Variants in C14orf132 observed in about 807,000 individuals in gnomAD.
C14orf132 encodes the protein chromosome 14 open reading frame 132, also known as uncharacterized protein C14orf132.
A neutral mutation model predicts 5.8 loss-of-function variants in C14orf132; 6 were observed. The ratio of observed to expected loss-of-function variants is 1.03; its 90% CI spans 0.57 to 2.04. The LOEUF (loss-of-function observed/expected upper bound fraction) is 2.04, where lower values mean the gene tolerates loss of function less well. Among genes scored for constraint, C14orf132 ranks in the 30% most tolerant of loss-of-function variants. C14orf132 has a pLI of 0.00. For synonymous variants in C14orf132, 51 were observed against 49.8 expected (o/e 1.02, Z -0.10); for missense variants, 125 against 115.8 (o/e 1.08, Z -0.37).
rs533002203 is a variant in C14orf132 at position 96,086,654 on chromosome 14, C to T, written c.171C>T (p.Asp57=). ...AAGATCCTCCTCGGTCCTCCAACGACGCCGTCTTGCTATGGATTGCCATCA... is the reference window on the plus strand; with the variant it reads ...AAGATCCTCCTCGGTCCTCCAACGATGCCGTCTTGCTATGGATTGCCATCA... ...QPEDPPRSSN[D]AVLLWIAIIA... is the part of the protein sequence containing the mutation. Residue 57 remains aspartate (D), a synonymous_variant, in exon 2 of 2, where the codon GAC becomes GAT. Transcript: ENST00000555004. 183 of 1,536,172 alleles carry T rather than the reference C, an allele frequency of 1.2e-4. No homozygotes were observed. The highest frequency in any genetic ancestry group is 1.5e-4 in the Non-Finnish European group (169 of 1,146,922).
At chr14:96,080,627 G>A (rs1198743799) in intron 1 of C14orf132, among the ~76,000 whole-genome samples, 7 of 152,140 alleles carry the variant, frequency 4.6e-5, no homozygotes, top group African/African-American at 9.7e-5. Flanking sequence ...TTTATATAAC[G>A]GTCACCTCCT....
At chr14:96,061,725 G>A (rs895051678) in intron 1 of C14orf132, among the ~76,000 whole-genome samples, 2 of 152,228 alleles carry the variant, frequency 1.3e-5, no homozygotes, top group East Asian at 3.9e-4. Flanking sequence ...AGGAGCTGGA[G>A]ACCAGACAGG....
intron 1 of C14orf132, among the ~76,000 whole-genome samples, chr14:96,074,140 T>C (rs1887790752): frequency 6.6e-6 from 1 of 152,206 alleles, no homozygotes. Context: ...TTAACCTACG[T>C]AACAACAAAC....
chr14:96,042,307 G>A (rs765417111), intron 1 of C14orf132, among the ~76,000 whole-genome samples: 1 of 152,230 alleles, frequency 6.6e-6, no homozygotes, highest in Non-Finnish European at 1.5e-5. Context: ...GCTGATTGCT[G>A]GGGTGAGAAG....
At position 96,039,554 on chromosome 14, in the gene C14orf132, C is replaced by G; in HGVS notation, c.27+27C>G. Reference sequence around the variant, plus strand: ...TAACGGGGCGTCCCCCCCACGCGCCCCGGGCCGCCAAGTTTGGGGAGGTTC... The same window carrying G: ...TAACGGGGCGTCCCCCCCACGCGCCGCGGGCCGCCAAGTTTGGGGAGGTTC... On this transcript the variant is annotated intron_variant, in intron 1 of 1. Coordinates refer to ENST00000555004, the MANE Select transcript of C14orf132 (RefSeq NM_001252507.3). This position sits in a 1 kb window ranked among gnomAD's most constrained non-coding sequence, Gnocchi z 5.3. 1 of 1,496,730 alleles carries G rather than the reference C, an allele frequency of 6.7e-7. No individual in the cohort carries two copies. The highest frequency in any genetic ancestry group is 8.9e-7 in the Non-Finnish European group (1 of 1,125,544). 92.7% of individuals were successfully genotyped at this position (1,496,730 alleles called of 1,614,324 possible).
At chr14:96,077,555 C>T (rs978735536) in intron 1 of C14orf132, among the ~76,000 whole-genome samples, 2 of 152,140 alleles carry the variant, frequency 1.3e-5, no homozygotes, top group Admixed American at 1.3e-4. Context: ...TGCAAGCCAA[C>T]GAGAGAGGCC....
At chr14:96,049,569 T>TACATATATACGTATATATAC (rs1886949999) in intron 1 of C14orf132, among the ~76,000 whole-genome samples, 1 of 127,470 alleles carries the variant, frequency 7.8e-6, no homozygotes, top group Non-Finnish European at 1.8e-5. Flanking sequence ...TACGTATATA[T>TACATATATACGTATATATAC]ACATATATAC....
chr14:96,085,697 C>T (rs1190020428), intron 1 of C14orf132, among the ~76,000 whole-genome samples: 1 of 152,090 alleles, frequency 6.6e-6, no homozygotes, highest in Non-Finnish European at 1.5e-5. Flanking sequence ...AATTGTGTGT[C>T]GGGGAGTCTG....
intron 1 of C14orf132, among the ~76,000 whole-genome samples, chr14:96,057,324 G>A (rs1403399532): frequency 1.3e-5 from 2 of 152,236 alleles, no homozygotes; most frequent in Non-Finnish European, 2.9e-5. Context: ...CACAAAAGCA[G>A]AGAGCAGAGA....
At position 96,066,660 on chromosome 14, in the gene C14orf132, C is replaced by T. The variant is rs547871886; in HGVS notation, c.28-19851C>T. Among the ~76,000 whole-genome samples, 4 of 152,170 alleles carry T rather than the reference C, an allele frequency of 2.6e-5. No individual in the cohort carries two copies. In the South Asian group the frequency reaches 8.3e-4, roughly 32 times the overall value. Reference sequence around the variant, plus strand: ...CACCGGGATTCAAAGAGAAGTTAGACTCAACCCGTATCCTACAAGTGCTCA... The same window carrying T: ...CACCGGGATTCAAAGAGAAGTTAGATTCAACCCGTATCCTACAAGTGCTCA... On this transcript the variant is annotated intron_variant, in intron 1 of 1. Coordinates refer to ENST00000555004, the MANE Select transcript of C14orf132 (RefSeq NM_001252507.3).
intron 1 of C14orf132, among the ~76,000 whole-genome samples, chr14:96,045,388 C>T (rs555945356): frequency 1.3e-5 from 2 of 152,272 alleles, no homozygotes; most frequent in South Asian, 2.1e-4. Flanking sequence ...AGGCTTGAAA[C>T]AGTATCTCCT....
intron 1 of C14orf132, among the ~76,000 whole-genome samples, chr14:96,057,585 T>G (rs1165332119): frequency 6.6e-6 from 1 of 152,156 alleles, no homozygotes; most frequent in Non-Finnish European, 1.5e-5. Context: ...TGAACCCCAG[T>G]GGCACACAGG....
At chr14:96,074,528 G>C (rs796126231) in intron 1 of C14orf132, among the ~76,000 whole-genome samples, 35 of 141,106 alleles carry the variant, frequency 2.5e-4, no homozygotes, top group African/African-American at 8.5e-4. Context: ...TCCATTTTGA[G>C]TTTTTTGTAT....
intron 1 of C14orf132, among the ~76,000 whole-genome samples, chr14:96,049,408 T>A (rs1176578133): frequency 2.0e-5 from 3 of 149,784 alleles, no homozygotes; most frequent in Non-Finnish European, 4.4e-5. Context: ...TGGCTTGATC[T>A]CGGCTCACTG....
intron 1 of C14orf132, among the ~76,000 whole-genome samples, chr14:96,062,466 T>C (rs1887387768): frequency 6.6e-6 from 1 of 152,108 alleles, no homozygotes; most frequent in Admixed American, 6.5e-5. Flanking sequence ...CAATCTACTT[T>C]CTCTCTCCCC....
chr14:96,059,300 T>C (rs2369417), intron 1 of C14orf132, among the ~76,000 whole-genome samples: 93,362 of 151,982 alleles, frequency 0.61, 29,378 homozygotes, highest in East Asian at 0.89. Context: ...CAAAACAAAA[T>C]GAAAAACCTG....
chr14:96,074,745 A>G (rs963993155), intron 1 of C14orf132, among the ~76,000 whole-genome samples: 1 of 152,158 alleles, frequency 6.6e-6, no homozygotes, highest in African/African-American at 2.4e-5. Flanking sequence ...TATTATGTGC[A>G]TCTCATTTCT....
At chr14:96,075,410 C>T (rs773129559) in intron 1 of C14orf132, among the ~76,000 whole-genome samples, 1 of 152,020 alleles carries the variant, frequency 6.6e-6, no homozygotes, top group Non-Finnish European at 1.5e-5. Flanking sequence ...ACTTTTATTT[C>T]TTTTTCTTGC....
chr14:96,041,591 G>C (rs1056295387), intron 1 of C14orf132, among the ~76,000 whole-genome samples: 4 of 152,232 alleles, frequency 2.6e-5, no homozygotes, highest in Non-Finnish European at 5.9e-5. Flanking sequence ...ATAAGGATGG[G>C]AACTGTTACT....
Sources: gnomAD v4.1 joint callset for allele counts (sites outside exome capture counted in the v4.1 genomes callset) on GRCh38, gnomAD v4.1.1 for gene constraint, Gnocchi (gnomAD v3.1) non-coding constraint, MANE v1.5 for transcripts, NCBI Gene and HGNC (gene_info 2026-07-23, HGNC 2026-07-21) for gene names.